UNC79: variants seen among roughly 807,000 people sequenced by gnomAD.
The protein encoded by UNC79 is unc-79 subunit of NALCN channel complex, also known as protein unc-79 homolog.
In UNC79, 37 loss-of-function variants were observed where a neutral mutation model predicts 283.1. The ratio of observed to expected loss-of-function variants is 0.13; its 90% CI spans 0.10 to 0.17. The LOEUF (loss-of-function observed/expected upper bound fraction) is 0.17, where lower values mean the gene tolerates loss of function less well. Ranked by LOEUF, UNC79 falls within the 10% of genes least tolerant of loss-of-function variation. The pLI, the probability that UNC79 is intolerant of heterozygous loss-of-function variation, is 1.00. For missense variants in UNC79, 2,272 were observed against 3,211.1 expected (o/e 0.71, Z 7.07); for synonymous variants, 1,107 against 1,200.2 (o/e 0.92, Z 1.61).
At chr14:93,402,305 GA>G (rs1226529529) in intron 1 of UNC79, among the ~76,000 whole-genome samples, 70 of 113,104 alleles carry the variant, frequency 6.2e-4, no homozygotes, top group Admixed American at 2.0e-3. Flanking sequence ...GAAAAGAAAA[GA>G]AAAAAAAAAC....
chr14:93,485,875 G>T (rs960976979), intron 4 of UNC79, among the ~76,000 whole-genome samples: 2 of 152,102 alleles, frequency 1.3e-5, no homozygotes, highest in Non-Finnish European at 2.9e-5. Flanking sequence ...TGTTTTAAAG[G>T]CCACTGTCTA....
At chr14:93,682,403 T>C (rs944088336) in intron 41 of UNC79, among the ~76,000 whole-genome samples, 1 of 152,164 alleles carries the variant, frequency 6.6e-6, no homozygotes, top group Admixed American at 6.5e-5. Context: ...CACTTAACAG[T>C]CTGGGTAAAG....
At chr14:93,438,059 T>C (rs903542490) in intron 1 of UNC79, among the ~76,000 whole-genome samples, 1 of 152,208 alleles carries the variant, frequency 6.6e-6, no homozygotes, top group Non-Finnish European at 1.5e-5. Context: ...ATCCAACATA[T>C]TAGCTATTCT....
chr14:93,474,533 A>G lies in UNC79; in HGVS notation c.448+140A>G, dbSNP rs1344377412. Reference sequence around the variant, plus strand: ...TGTGTGGCTAGAAGCACTACACTGAAACTTCATTATGGTGCTTCCCATACT... The same window carrying G: ...TGTGTGGCTAGAAGCACTACACTGAGACTTCATTATGGTGCTTCCCATACT... On this transcript the variant is annotated intron_variant, in intron 3 of 48. Coordinates refer to ENST00000555664, the Ensembl canonical transcript of UNC79. The surrounding 1 kb of genome is among the most constrained non-coding windows in gnomAD (Gnocchi z 4.1). The G allele has an allele frequency of 2.1e-6, 2 of 961,266 alleles. No individual in the cohort carries two copies. Among genetic ancestry groups the G allele is most frequent in the African/African-American group, 3.3e-5 (2 of 60,504 alleles). 59.5% of individuals were successfully genotyped at this position (961,266 alleles called of 1,614,324 possible).
intron 14 of UNC79, among the ~76,000 whole-genome samples, chr14:93,559,881 G>C (rs1403346890): frequency 6.6e-6 from 1 of 152,064 alleles, no homozygotes; most frequent in Non-Finnish European, 1.5e-5. Context: ...ACATAAAATA[G>C]TGTTGAAGTG....
chr14:93,440,823 T>C (rs564242593), intron 1 of UNC79, among the ~76,000 whole-genome samples: 7 of 152,132 alleles, frequency 4.6e-5, no homozygotes, highest in South Asian at 2.1e-4. Flanking sequence ...CTGTAGCACA[T>C]TGAGGTTTTT....
At chr14:93,550,650 C>T (rs985291227) in intron 14 of UNC79, among the ~76,000 whole-genome samples, 3 of 151,908 alleles carry the variant, frequency 2.0e-5, no homozygotes, top group Non-Finnish European at 4.4e-5. Context: ...TTACAGTTGC[C>T]TAGGTTGCAG....
chr14:93,608,685 T>A (rs572956043), intron 26 of UNC79, among the ~76,000 whole-genome samples: 48 of 152,324 alleles, frequency 3.2e-4, no homozygotes, highest in Admixed American at 3.9e-4. Context: ...CATGGAGGGA[T>A]CCTTTCTTCC....
chr14:93,497,958 C>T (rs1261283853), intron 7 of UNC79, among the ~76,000 whole-genome samples: 1 of 151,918 alleles, frequency 6.6e-6, no homozygotes, highest in Non-Finnish European at 1.5e-5. Flanking sequence ...TGCTCTCCAG[C>T]CTGGCTACAG....
In UNC79 at chr14:93,467,659, G is replaced by GTTTTTTGT; in HGVS notation, c.23-12_23-11insTTTTTTGT. 1 of 227,818 alleles carries GTTTTTTGT rather than the reference G, an allele frequency of 4.4e-6. No individual in the cohort carries two copies. The highest frequency in any genetic ancestry group is 5.5e-6 in the Non-Finnish European group (1 of 181,094). The allele number at this position is 227,818 out of a possible 1,614,324, so 14.1% of individuals were successfully genotyped here. On this transcript the variant is annotated splice_polypyrimidine_tract_variant and intron_variant, in intron 1 of 48. Coordinates refer to ENST00000555664, the Ensembl canonical transcript of UNC79. ...TTTTTTTTTTTTTTTTTTTTTTTTT[G>GTTTTTTGT]CTTTTATCTAGTTGCTTCCAAGATC...
chr14:93,693,574 G>T (rs1392407430), intron 46 of UNC79, among the ~76,000 whole-genome samples: 1 of 152,214 alleles, frequency 6.6e-6, no homozygotes, highest in Admixed American at 6.5e-5. Context: ...AATTTCTGAT[G>T]AGGGACATCA....
chr14:93,342,778 C>T (rs1219829663), intron 1 of UNC79, among the ~76,000 whole-genome samples: 1 of 152,226 alleles, frequency 6.6e-6, no homozygotes, highest in East Asian at 1.9e-4. Flanking sequence ...TCGGAAATTT[C>T]TTCTGCCAGA....
intron 33 of UNC79, among the ~76,000 whole-genome samples, chr14:93,642,183 G>A (rs1014557389): frequency 6.6e-6 from 1 of 152,120 alleles, no homozygotes; most frequent in Non-Finnish European, 1.5e-5. Flanking sequence ...CCAGCACTTT[G>A]GGAGGCTGAG....
intron 1 of UNC79, among the ~76,000 whole-genome samples, chr14:93,413,028 CTT>C (rs1157660636): frequency 6.6e-6 from 1 of 151,944 alleles, no homozygotes; most frequent in Non-Finnish European, 1.5e-5. Context: ...GTAGACAACT[CTT>C]ATTTTTTTTA....
intron 1 of UNC79, among the ~76,000 whole-genome samples, chr14:93,344,710 C>T (rs1011725375): frequency 5.9e-5 from 9 of 152,150 alleles, no homozygotes; most frequent in African/African-American, 1.7e-4. Flanking sequence ...TTACAGGACT[C>T]GTGTAAATCA....
Position 93,346,174 on chromosome 14 carries a change from C to T in UNC79, c.-351+12651C>T, listed in dbSNP as rs565768822. ...AGCTTAAGGATGTACTACAGCAAAA[C>T]GAAAAGAAATCTAAGAAAGAGGAAG... On this transcript the variant is annotated intron_variant, in intron 1 of 49. Coordinates refer to the UNC79 transcript ENST00000256339. 1.2e-4 allele frequency among the ~76,000 whole-genome samples: 18 copies of T among 151,862 alleles called. 1 individual carries two copies. The highest frequency in any genetic ancestry group is 3.4e-4 in the African/African-American group (14 of 41,400).
At chr14:93,467,675 T>G in exon 2 of UNC79, 1 of 1,134,966 alleles carries the variant, frequency 8.8e-7, no homozygotes, top group South Asian at 2.3e-5. Flanking sequence ...ATCTAGTTGC[T>G]TCCAAGATCC....
intron 22 of UNC79, among the ~76,000 whole-genome samples, chr14:93,589,173 C>A (rs1299888117): frequency 6.6e-6 from 1 of 152,100 alleles, no homozygotes; most frequent in East Asian, 1.9e-4. Context: ...AGTGGACCAA[C>A]TTAGTAGGGG....
intron 32 of UNC79, among the ~76,000 whole-genome samples, chr14:93,640,924 A>T (rs1310057960): frequency 6.6e-6 from 1 of 152,132 alleles, no homozygotes; most frequent in African/African-American, 2.4e-5. Context: ...CAAGAAGCAA[A>T]GAGAGAGAAG....
Sources: gnomAD v4.1 joint callset for allele counts (sites outside exome capture counted in the v4.1 genomes callset) on GRCh38, gnomAD v4.1.1 for gene constraint, Gnocchi (gnomAD v3.1) non-coding constraint, MANE v1.5 for transcripts, NCBI Gene and HGNC (gene_info 2026-07-23, HGNC 2026-07-21) for gene names.